Variants in MEGF9 observed in about 807,000 individuals in gnomAD.
The protein encoded by MEGF9 is multiple epidermal growth factor-like domains protein 9.
In MEGF9, 6 loss-of-function variants were observed where a neutral mutation model predicts 46.8. The ratio of observed to expected loss-of-function variants is 0.13; its 90% CI spans 0.07 to 0.25. MEGF9 has a LOEUF of 0.25. MEGF9 is among the 10% of genes least tolerant of loss of function. MEGF9 has a pLI of 1.00. For missense variants in MEGF9, 683 were observed against 792.4 expected (o/e 0.86, Z 1.66); for synonymous variants, 302 against 330.7 (o/e 0.91, Z 0.94).
At chr9:120,666,206 C>T (rs1265192935) in intron 1 of MEGF9, among the ~76,000 whole-genome samples, 1 of 152,032 alleles carries the variant, frequency 6.6e-6, no homozygotes, top group African/African-American at 2.4e-5. Context: ...TCTTCAAATA[C>T]TGTTATCTAT....
At chr9:120,646,631 T>C (rs2043627501) in intron 2 of MEGF9, among the ~76,000 whole-genome samples, 2 of 152,174 alleles carry the variant, frequency 1.3e-5, no homozygotes, top group Non-Finnish European at 2.9e-5. Context: ...CCTCTTAACA[T>C]TTTATCTTTA....
chr9:120,640,366 A>G (rs1239201477), intron 2 of MEGF9, among the ~76,000 whole-genome samples: 2 of 151,940 alleles, frequency 1.3e-5, no homozygotes, highest in Non-Finnish European at 2.9e-5. Context: ...TATTCTCAAC[A>G]TATCTTGCCT....
At chr9:120,619,720 A>G (rs1199868254) in intron 3 of MEGF9, among the ~76,000 whole-genome samples, 1 of 152,220 alleles carries the variant, frequency 6.6e-6, no homozygotes, top group African/African-American at 2.4e-5. Flanking sequence ...CTTTCCTTAG[A>G]ATAGATTCCT....
rs1327232896 is a variant in MEGF9 at position 120,605,455 on chromosome 9, A to G, written c.1544T>C (p.Ile515Thr). 2.5e-6 allele frequency: 4 copies of G among 1,613,922 alleles called. No homozygotes were observed. The African/African-American group carries it at 4.0e-5, about 16-fold the overall frequency. ...LADVSWTQFNIIILTVIIIVV... is the reference protein window; with the variant it reads ...LADVSWTQFNTIILTVIIIVV... The stretch of plus-strand genomic sequence containing the variant: ...AATGATGATGACTGTCAAAATGATG[A>G]TGTTAAATTGGGTCCATGATACATC... Residue 515 changes from isoleucine (I) to threonine (T), a missense_variant, in exon 6 of 6, where the codon ATC (isoleucine) becomes ACC (threonine). By Grantham distance (89) the Ile-to-Thr change is moderately conservative (BLOSUM62 -1). Around this residue, in one of 2 missense-constraint regions of MEGF9, gnomAD observed 313 missense variants for 421.1 expected, o/e 0.74. Coordinates refer to ENST00000373930, the MANE Select transcript of MEGF9 (RefSeq NM_001080497.3). This position sits in a 1 kb window ranked among gnomAD's most constrained non-coding sequence, Gnocchi z 4.0.
intron 1 of MEGF9, among the ~76,000 whole-genome samples, chr9:120,663,434 T>C (rs745835782): frequency 2.0e-5 from 3 of 152,186 alleles, no homozygotes; most frequent in Admixed American, 1.3e-4. Flanking sequence ...CGGAACCAGA[T>C]AGGAGTTAAT....
chr9:120,710,873 A>G (rs376782552), intron 1 of MEGF9, among the ~76,000 whole-genome samples: 59 of 152,336 alleles, frequency 3.9e-4, no homozygotes, highest in African/African-American at 1.2e-3. Context: ...TGTAAAGTCA[A>G]TTTAGCTGCT....
chr9:120,698,870 A>G (rs1403767115), intron 1 of MEGF9, among the ~76,000 whole-genome samples: 1 of 152,220 alleles, frequency 6.6e-6, no homozygotes, highest in Non-Finnish European at 1.5e-5. Flanking sequence ...ATTCTCTGGC[A>G]TATTCTTTAG....
At chr9:120,672,915 C>T (rs796727996) in intron 1 of MEGF9, among the ~76,000 whole-genome samples, 8 of 152,116 alleles carry the variant, frequency 5.3e-5, no homozygotes, top group African/African-American at 1.7e-4. Context: ...CCCAGCTACT[C>T]GGGAGACTGA....
chr9:120,713,633 C>A (rs2132349620), intron 1 of MEGF9, 125 bp downstream of exon 1: 1 of 1,217,442 alleles, frequency 8.2e-7, no homozygotes, highest in East Asian at 3.2e-5. Context: ...GGGATCCCCC[C>A]TCGGGAGCCG....
At chr9:120,647,349 C>A (rs1193800098) in intron 2 of MEGF9, among the ~76,000 whole-genome samples, 1 of 152,136 alleles carries the variant, frequency 6.6e-6, no homozygotes, top group Non-Finnish European at 1.5e-5. Context: ...AAGCTCCTCT[C>A]TGACCATTTA....
intron 1 of MEGF9, among the ~76,000 whole-genome samples, chr9:120,676,805 G>C (rs149606594): frequency 5.3e-5 from 8 of 152,162 alleles, no homozygotes; most frequent in African/African-American, 1.9e-4. Context: ...CTATGTCTCG[G>C]ACTTTGTTGC....
At chr9:120,674,357 T>C (rs2043763442) in intron 1 of MEGF9, among the ~76,000 whole-genome samples, 1 of 152,192 alleles carries the variant, frequency 6.6e-6, no homozygotes, top group South Asian at 2.1e-4. Context: ...AGAAGATATA[T>C]GTACGACAAA....
intron 2 of MEGF9, among the ~76,000 whole-genome samples, chr9:120,634,652 T>C (rs1357144641): frequency 6.6e-6 from 1 of 152,050 alleles, no homozygotes; most frequent in East Asian, 1.9e-4. Context: ...AGGCAGCATA[T>C]AGTTAGGCCA....
intron 1 of MEGF9, among the ~76,000 whole-genome samples, chr9:120,707,627 T>C (rs957914691): frequency 1.2e-4 from 19 of 152,360 alleles, no homozygotes; most frequent in African/African-American, 4.3e-4. Context: ...ATAAATGGCA[T>C]CTTCTTAAAG....
intron 1 of MEGF9, among the ~76,000 whole-genome samples, chr9:120,694,500 T>A (rs956945922): frequency 2.6e-5 from 4 of 152,228 alleles, no homozygotes; most frequent in African/African-American, 9.6e-5. Flanking sequence ...GTGTTTTACA[T>A]TTATACGAAT....
At position 120,605,626 on chromosome 9, in the gene MEGF9, G is replaced by A; in HGVS notation, c.1373C>T (p.Thr458Ile). 1 of 1,561,764 alleles carries A rather than the reference G, an allele frequency of 6.4e-7. No homozygotes were observed. Among genetic ancestry groups the A allele is most frequent in the Non-Finnish European group, 8.7e-7 (1 of 1,152,456 alleles). The stretch of plus-strand genomic sequence containing the variant: ...AACCAAAATGGTAGAACCTTCAGGT[G>A]TTGGAAGAATAACTTCTGAAAATAA... The part of the protein sequence containing the change: ...NCIKKEVILP[T>I]PEGSTILVSN... Residue 458 changes from threonine (T) to isoleucine (I), a missense_variant, in exon 6 of 6, where the codon ACA (threonine) becomes ATA (isoleucine). Physicochemically the swap from Thr to Ile is moderately conservative, Grantham distance 89. This residue lies in a region of MEGF9 where 313 missense variants were observed against 421.1 expected (regional missense o/e 0.74). Transcript: ENST00000373930. The surrounding 1 kb of genome is among the most constrained non-coding windows in gnomAD (Gnocchi z 4.0).
At chr9:120,610,649 A>T (rs1017954662) in intron 4 of MEGF9, among the ~76,000 whole-genome samples, 1 of 152,158 alleles carries the variant, frequency 6.6e-6, no homozygotes, top group African/African-American at 2.4e-5. Flanking sequence ...CTCCAGGCAA[A>T]GTAATTATTC....
rs1051317783 is a variant in MEGF9 at position 120,714,310 on chromosome 9, C to G, written c.49G>C (p.Gly17Arg). 12 of 1,342,858 alleles carry G rather than the reference C, an allele frequency of 8.9e-6. No homozygotes were observed. The African/African-American group carries it at 1.7e-4, about 19-fold the overall frequency. The allele number at this position is 1,342,858 out of a possible 1,614,324, so 83.2% of individuals were successfully genotyped here. ...RAMRSLPSLG[G>R]LALLCCAAAA... is the part of the protein sequence containing the mutation. ...GCGGCGCAGCACAACAGGGCGAGGC[C>G]GCCCAGGCTCGGCAGGCTCCTCATG... Residue 17 changes from glycine (G) to arginine (R), a missense_variant, in exon 1 of 6, where the codon GGC becomes CGC. Physicochemically the swap from Gly to Arg is moderately radical, Grantham distance 125. Around this residue, in one of 2 missense-constraint regions of MEGF9, gnomAD observed 370 missense variants for 371.3 expected, o/e 1.00. Coordinates refer to ENST00000373930, the MANE Select transcript of MEGF9 (RefSeq NM_001080497.3).
Position 120,605,517 on chromosome 9 carries a change from T to C in MEGF9, c.1482A>G (p.Ser494=). The change falls in exon 6 of 6, where the codon TCA becomes TCG. Residue 494 remains serine, a synonymous_variant. Coordinates refer to ENST00000373930, the MANE Select transcript of MEGF9 (RefSeq NM_001080497.3). The surrounding 1 kb of genome is among the most constrained non-coding windows in gnomAD (Gnocchi z 4.0). ...FTPTTLQTIF[S]VSTSENSTSA... is the part of the protein sequence containing the mutation. ...AAGTGCTGTTTTCAGAAGTGCTTACTGAAAAGATAGTCTGCAGGGTTGTAG... is the reference window on the plus strand; with the variant it reads ...AAGTGCTGTTTTCAGAAGTGCTTACCGAAAAGATAGTCTGCAGGGTTGTAG... The C allele has an allele frequency of 6.2e-7, 1 of 1,613,964 alleles. No homozygotes were observed. The highest frequency in any genetic ancestry group is 8.5e-7 in the Non-Finnish European group (1 of 1,179,844).
Sources: allele counts gnomAD v4.1 joint callset (sites outside exome capture counted in the v4.1 genomes callset), GRCh38; gene constraint gnomAD v4.1.1; regional missense constraint gnomAD v4.1.1; non-coding constraint Gnocchi (gnomAD v3.1); transcripts MANE v1.5; gene names NCBI Gene and HGNC (gene_info 2026-07-23, HGNC 2026-07-21).